CDIP1: variants seen among roughly 807,000 people sequenced by gnomAD.
The protein encoded by CDIP1 is cell death-inducing p53-target protein 1.
Under a neutral mutation model 17.7 loss-of-function variants are expected in CDIP1, and 9 were observed. That is an observed-to-expected ratio of 0.51 (90% CI 0.31 to 0.89). The LOEUF is 0.89. CDIP1 is among the 40% of genes least tolerant of loss of function. The pLI is 0.05. For synonymous variants in CDIP1, 117 were observed against 109.5 expected (o/e 1.07, Z -0.43); for missense variants, 263 against 277.9 (o/e 0.95, Z 0.38).
At chr16:4,516,698 C>CTTT (rs767463500) in intron 1 of CDIP1, among the ~76,000 whole-genome samples, 2,069 of 78,070 alleles carry the variant, frequency 0.027, 15 homozygotes, top group Non-Finnish European at 0.032. Flanking sequence ...GTTTTAAATC[C>CTTT]TTTTTTTTTT....
intron 1 of CDIP1, among the ~76,000 whole-genome samples, chr16:4,521,488 G>C (rs2058947704): frequency 6.6e-6 from 1 of 151,992 alleles, no homozygotes; most frequent in Non-Finnish European, 1.5e-5. Context: ...GAGGCCCTGA[G>C]TTTGTTGTTC....
chr16:4,514,288 C>G lies in CDIP1; in HGVS notation c.-14-144G>C. 1.8e-6 allele frequency: 1 copy of G among 564,840 alleles called. No individual in the cohort carries two copies. Among genetic ancestry groups the G allele is most frequent in the Non-Finnish European group, 3.1e-6 (1 of 319,606 alleles). 35.0% of individuals were successfully genotyped at this position (564,840 alleles called of 1,614,324 possible). ...GCCTCCAGGCACTGGGGATCCCCCA[C>G]CTTTCCCAGGGCCACCTAGCCCAGA... On this transcript the variant is annotated intron_variant, in intron 2 of 5. Transcript: ENST00000567695. This position sits in a 1 kb window ranked among gnomAD's most constrained non-coding sequence, Gnocchi z 5.2.
intron 1 of CDIP1, among the ~76,000 whole-genome samples, chr16:4,524,642 C>T (rs1233345583): frequency 1.3e-5 from 2 of 152,222 alleles, no homozygotes; most frequent in Non-Finnish European, 2.9e-5. Flanking sequence ...AGCTGTGCTT[C>T]ACCATGAGGG....
intron 1 of CDIP1, among the ~76,000 whole-genome samples, chr16:4,530,401 G>T (rs1217925655): frequency 5.3e-5 from 8 of 152,174 alleles, no homozygotes; most frequent in African/African-American, 1.9e-4. Flanking sequence ...TGTAATCCCA[G>T]CACTTTGGGA....
At chr16:4,537,245 T>C (rs1463229077) in intron 1 of CDIP1, among the ~76,000 whole-genome samples, 1 of 152,112 alleles carries the variant, frequency 6.6e-6, no homozygotes, top group Non-Finnish European at 1.5e-5. Context: ...TACAATAAAG[T>C]GTTAACTCTA....
chr16:4,527,563 C>T (rs1376167507), intron 1 of CDIP1, among the ~76,000 whole-genome samples: 1 of 152,194 alleles, frequency 6.6e-6, no homozygotes, highest in Non-Finnish European at 1.5e-5. Flanking sequence ...TGGTGACACT[C>T]CGTCCACAGC....
In CDIP1 at chr16:4,510,755, A is replaced by G. The variant is rs1414483203; in HGVS notation, c.*1817T>C. 1 of 152,246 alleles carries G rather than the reference A, an allele frequency of 6.6e-6. No individual in the cohort carries two copies. The highest frequency in any genetic ancestry group is 1.5e-5 in the Non-Finnish European group (1 of 68,040). The allele number at this position is 152,246 out of a possible 1,614,324, so 9.4% of individuals were successfully genotyped here. On this transcript the variant is annotated 3_prime_UTR_variant, in exon 6 of 6. Transcript: ENST00000567695. ...GGAATCTACTACCTGTAAAAGTTTT[A>G]TTTCAAAAAGGGTTAAAAAGTAGGG...
Position 4,513,122 on chromosome 16 carries a change from AAAG to A in CDIP1, c.242-61_242-59del. Reference sequence around the variant, plus strand: ...CACTGGCCTGCCACCTGCACCAGACAAAGAGATTGGCGCAAAGCCCCACGGTCC... The same window carrying A: ...CACTGGCCTGCCACCTGCACCAGACAAGATTGGCGCAAAGCCCCACGGTCC... On this transcript the variant is annotated intron_variant, in intron 4 of 5. Coordinates refer to ENST00000567695, the MANE Select transcript of CDIP1 (RefSeq NM_013399.3). This position sits in a 1 kb window ranked among gnomAD's most constrained non-coding sequence, Gnocchi z 4.1. The A allele has an allele frequency of 6.8e-7, 1 of 1,479,304 alleles. No homozygotes were observed. Among genetic ancestry groups the A allele is most frequent in the South Asian group, 1.3e-5 (1 of 75,506 alleles). The allele number at this position is 1,479,304 out of a possible 1,614,324, so 91.6% of individuals were successfully genotyped here.
intron 1 of CDIP1, among the ~76,000 whole-genome samples, chr16:4,530,197 A>G (rs1051283355): frequency 6.6e-6 from 1 of 152,202 alleles, no homozygotes; most frequent in Non-Finnish European, 1.5e-5. Flanking sequence ...GTGGGAATCT[A>G]ATTTGTATTT....
chr16:4,525,292 C>G (rs2058988288), intron 1 of CDIP1, among the ~76,000 whole-genome samples: 1 of 152,198 alleles, frequency 6.6e-6, no homozygotes, highest in African/African-American at 2.4e-5. Flanking sequence ...GTAGTTAAAA[C>G]AGGCCCCGAG....
chr16:4,520,590 T>C (rs985484955), intron 1 of CDIP1, among the ~76,000 whole-genome samples: 5 of 152,222 alleles, frequency 3.3e-5, no homozygotes, highest in African/African-American at 1.2e-4. Context: ...AATGCAGATC[T>C]ACCAATGTTG....
intron 1 of CDIP1, among the ~76,000 whole-genome samples, chr16:4,531,117 C>A (rs1228002406): frequency 6.6e-6 from 1 of 151,980 alleles, no homozygotes. Context: ...CAACCTCCAC[C>A]TCCCAGGTTC....
chr16:4,510,748 A>C lies in CDIP1; in HGVS notation c.*1824T>G, dbSNP rs1333978116. On this transcript the variant is annotated 3_prime_UTR_variant, in exon 6 of 6. Transcript: ENST00000567695. ...ATTAATAGGAATCTACTACCTGTAA[A>C]AGTTTTATTTCAAAAAGGGTTAAAA... The C allele has an allele frequency of 6.6e-6, 1 of 152,218 alleles. No individual in the cohort carries two copies. The highest frequency in any genetic ancestry group is 2.4e-5 in the African/African-American group (1 of 41,458). 9.4% of individuals were successfully genotyped at this position (152,218 alleles called of 1,614,324 possible).
chr16:4,525,692 G>A (rs1001134990), intron 1 of CDIP1, among the ~76,000 whole-genome samples: 1 of 152,196 alleles, frequency 6.6e-6, no homozygotes. Context: ...CAGGAAAGAG[G>A]AGGCCCTCCA....
rs138245020 is a variant in CDIP1, at chr16:4,530,684, G to A, written c.-105+8018C>T. Among the ~76,000 whole-genome samples the A allele has an allele frequency of 2.6e-3, 389 of 151,302 alleles. 2 individuals are homozygous for A. The highest frequency in any genetic ancestry group is 8.8e-3 in the African/African-American group (364 of 41,262). On this transcript the variant is annotated intron_variant, in intron 1 of 5. Coordinates refer to ENST00000567695, the MANE Select transcript of CDIP1 (RefSeq NM_013399.3). ...AACAAAAACAAAAAAAACAGAAATA[G>A]TATACAGTAGGCCAGGCACTGTGGC...
At chr16:4,538,171 G>C (rs953660666) in intron 1 of CDIP1, among the ~76,000 whole-genome samples, 20 of 152,140 alleles carry the variant, frequency 1.3e-4, no homozygotes, top group African/African-American at 4.8e-4. Context: ...CTGCCATTCC[G>C]GGCGCACAAC....
In CDIP1 at chr16:4,512,750, C is replaced by T. The variant is rs114592468; in HGVS notation, c.515+41G>A. ...GAGGAGGCAGAGGCAGCCAGTTGAC[C>T]CTGGTGCAGCCCCCACCCTACCAGT... On this transcript the variant is annotated intron_variant, in intron 5 of 5. Coordinates refer to ENST00000567695, the MANE Select transcript of CDIP1 (RefSeq NM_013399.3). This position sits in a 1 kb window ranked among gnomAD's most constrained non-coding sequence, Gnocchi z 4.6. 21 of 1,600,978 alleles carry T rather than the reference C, an allele frequency of 1.3e-5. No individual in the cohort carries two copies. The African/African-American group carries it at 2.4e-4, about 18-fold the overall frequency.
At chr16:4,517,442 A>C (rs1038634762) in intron 1 of CDIP1, among the ~76,000 whole-genome samples, 36 of 152,120 alleles carry the variant, frequency 2.4e-4, no homozygotes, top group Non-Finnish European at 3.5e-4. Context: ...GGGTTAAGAA[A>C]AGGGAGCAGT....
chr16:4,535,086 C>T (rs2059094503), intron 1 of CDIP1, among the ~76,000 whole-genome samples: 1 of 152,152 alleles, frequency 6.6e-6, no homozygotes, highest in Admixed American at 6.6e-5. Flanking sequence ...TGAAATTCTC[C>T]CTAAACCCTC....
Sources: allele counts gnomAD v4.1 joint callset (sites outside exome capture counted in the v4.1 genomes callset), GRCh38; gene constraint gnomAD v4.1.1; non-coding constraint Gnocchi (gnomAD v3.1); transcripts MANE v1.5; gene names NCBI Gene and HGNC (gene_info 2026-07-23, HGNC 2026-07-21).